Variants in STAT6 observed in about 807,000 individuals in gnomAD.
The protein encoded by STAT6 is signal transducer and activator of transcription 6.
Under a neutral mutation model 106.3 loss-of-function variants are expected in STAT6, and 45 were observed. The observed-to-expected ratio is 0.42, with a 90% CI of 0.33 to 0.54. The LOEUF is 0.54. Among genes scored for constraint, STAT6 ranks in the 20% least tolerant of loss-of-function variants. STAT6 has a pLI of 0.06. For synonymous variants in STAT6, 413 were observed against 413.6 expected (o/e 1.00, Z 0.02); for missense variants, 797 against 1,062.2 (o/e 0.75, Z 3.47).
At chr12:57,105,417 T>C in intron 8 of STAT6, 51 bp downstream of exon 8, 1 of 1,609,412 alleles carries the variant, frequency 6.2e-7, no homozygotes. Context: ...AGCCCCCTTC[T>C]TTTCTTCCCG....
chr12:57,104,680 C>T (rs747302076), intron 10 of STAT6, 46 bp downstream of exon 10: 1 of 1,613,812 alleles, frequency 6.2e-7, no homozygotes, highest in South Asian at 1.1e-5. Flanking sequence ...GAGAGTCCCA[C>T]AGTCTCCTAG....
At position 57,099,371 on chromosome 12, in the gene STAT6, C is replaced by T. The variant is rs1267549866; in HGVS notation, c.1814G>A (p.Arg605Gln). Residue 605 changes from arginine (R) to glutamine (Q), a missense_variant, in exon 16 of 22, where the codon CGA becomes CAA. Coordinates refer to ENST00000300134, the MANE Select transcript of STAT6 (RefSeq NM_003153.5). This position sits in a 1 kb window ranked among gnomAD's most constrained non-coding sequence, Gnocchi z 4.7. ...KDLSIRSLGD[R>Q]IRDLAQLKNL... ...TTTGAGCTGAGCAAGATCCCGGATT[C>T]GGTCCCCCAGTGAGCGAATGGACAG... 6.2e-7 allele frequency: 1 copy of T among 1,614,148 alleles called. No individual in the cohort carries two copies. The highest frequency in any genetic ancestry group is 1.7e-5 in the Admixed American group (1 of 60,018).
At chr12:57,100,237 C>G (rs2136572225) in intron 13 of STAT6, 147 bp from the exon 14 acceptor site, 1 of 683,988 alleles carries the variant, frequency 1.5e-6, no homozygotes, top group Admixed American at 2.3e-5. Context: ...TGACAACGAC[C>G]AATCCTAATG....
In STAT6 at chr12:57,108,319, C is replaced by T. The variant is rs373529724; in HGVS notation, c.-21-20G>A. On this transcript the variant is annotated intron_variant, in intron 1 of 21. Coordinates refer to ENST00000300134, the MANE Select transcript of STAT6 (RefSeq NM_003153.5). The stretch of plus-strand genomic sequence containing the variant: ...GGTTGCCTGGAGGAGAAAAATAAGG[C>T]CACTCTGAGGGGTGCCCAAGAAACT... 2.2e-6 allele frequency: 3 copies of T among 1,340,276 alleles called. No homozygotes were observed. The allele number at this position is 1,340,276 out of a possible 1,614,324, so 83.0% of individuals were successfully genotyped here. A position where few individuals can be genotyped will look rare whatever the true frequency, so the allele number is the denominator to read the frequency against.
Position 57,106,812 on chromosome 12 carries a change from G to A in STAT6, c.359C>T (p.Pro120Leu). The A allele has an allele frequency of 6.2e-7, 1 of 1,614,018 alleles. No individual in the cohort carries two copies. Among genetic ancestry groups the A allele is most frequent in the South Asian group, 1.1e-5 (1 of 91,082 alleles). Residue 120 changes from proline to leucine, a missense_variant, in exon 5 of 22, where the codon CCT (proline) becomes CTT (leucine). Physicochemically the swap from Pro to Leu is moderately conservative, Grantham distance 98. Around this residue, in one of 4 missense-constraint regions of STAT6, gnomAD observed 336 missense variants for 429.8 expected, o/e 0.78. Transcript: ENST00000300134. The part of the protein sequence containing the change: ...VMEQFRHLPM[P>L]FHWKQEELKF... ...GAGTTCTTCCTGCTTCCAGTGGAAA[G>A]GCATTGGCAAGTGGCGGAACTACAC...
intron 1 of STAT6, among the ~76,000 whole-genome samples, chr12:57,110,777 C>T (rs2034536081): frequency 6.6e-6 from 1 of 152,104 alleles, no homozygotes; most frequent in Non-Finnish European, 1.5e-5. Context: ...AACAAGGATC[C>T]ACTGCCCTCT....
intron 13 of STAT6, among the ~76,000 whole-genome samples, chr12:57,101,081 CT>C (rs2033898646): frequency 1.3e-5 from 2 of 150,078 alleles, no homozygotes; most frequent in Admixed American, 1.4e-4. Context: ...AATTCTTTTT[CT>C]TTCTTTCTTT....
chr12:57,099,530 A>G lies in STAT6; in HGVS notation c.1745-90T>C. The G allele has an allele frequency of 6.4e-7, 1 of 1,562,514 alleles. No individual in the cohort carries two copies. The highest frequency in any genetic ancestry group is 8.8e-7 in the Non-Finnish European group (1 of 1,142,628). On this transcript the variant is annotated intron_variant, in intron 15 of 21. Transcript: ENST00000300134. This position sits in a 1 kb window ranked among gnomAD's most constrained non-coding sequence, Gnocchi z 4.7. The stretch of plus-strand genomic sequence containing the variant: ...CCATAAGACCTGTTCTCACTCCACC[A>G]AGGCAAGGGAGAGAGGACCTAGGGT...
Position 57,105,551 on chromosome 12 carries a change from C to T in STAT6, c.729G>A (p.Gly243=). The change falls in exon 8 of 22, where the codon GGG becomes GGA. Residue 243 remains glycine (G), a synonymous_variant. Coordinates refer to ENST00000300134, the MANE Select transcript of STAT6 (RefSeq NM_003153.5). ...TGGGCTCAAGCTCCCCACCAGCCGC[C>T]CCTACCTCCTGCTGTAGCTGGGAAT... is the stretch of plus-strand genomic sequence containing the variant. ...DIYSQLQQEV[G]AAGGELEPKT... 1 of 1,614,070 alleles carries T rather than the reference C, an allele frequency of 6.2e-7. No homozygotes were observed. The highest frequency in any genetic ancestry group is 1.1e-5 in the South Asian group (1 of 91,070).
intron 17 of STAT6, 50 bp downstream of exon 17, chr12:57,098,965 G>A (rs1183034856): frequency 1.2e-6 from 2 of 1,613,388 alleles, no homozygotes; most frequent in Admixed American, 3.3e-5. Flanking sequence ...CCTTCCTGCA[G>A]ATAAGCACTA....
At chr12:57,109,696 G>A (rs1387770555) in intron 1 of STAT6, among the ~76,000 whole-genome samples, 1 of 152,146 alleles carries the variant, frequency 6.6e-6, no homozygotes, top group Admixed American at 6.5e-5. Context: ...GGGCTAGAAG[G>A]CAAAGATGAG....
Position 57,102,882 on chromosome 12 carries a change from G to A in STAT6, c.1252C>T (p.Gln418Ter). 1.9e-6 allele frequency: 3 copies of A among 1,609,476 alleles called. No homozygotes were observed. Among genetic ancestry groups the A allele is most frequent in the Non-Finnish European group, 2.5e-6 (3 of 1,178,020 alleles). The change falls in exon 12 of 22, where the codon CAA becomes TAA. Residue 418 changes from glutamine to a stop codon, truncating the protein, a stop_gained. Transcript: ENST00000300134. LOFTEE classifies it high-confidence loss of function. ...ATAGTGGCTTTGGCATTGTTGTCTT[G>A]GTTGCCATGGACGATGACCACCAGG... ...LPLVVIVHGN[Q>*]DNNAKATILW...
rs1270006303 is a variant in STAT6, at chr12:57,106,356, G to A, written c.532-17C>T. ...GGCCAGGGCCTATGGGCAGAGAGGG[G>A]CCTGAGCCAGGGCCTCACGCTGCCT... On this transcript the variant is annotated splice_polypyrimidine_tract_variant and intron_variant, in intron 6 of 21. Coordinates refer to ENST00000300134, the MANE Select transcript of STAT6 (RefSeq NM_003153.5). 6.2e-7 allele frequency: 1 copy of A among 1,614,084 alleles called. No individual in the cohort carries two copies.
intron 7 of STAT6, 34 bp from the exon 8 acceptor site, chr12:57,105,633 T>C: frequency 6.2e-7 from 1 of 1,607,774 alleles, no homozygotes; most frequent in East Asian, 2.2e-5. Flanking sequence ...GGGCACAGGA[T>C]TAAGGCTGCT....
Position 57,105,547 on chromosome 12 carries a change from C to T in STAT6, c.733G>A (p.Ala245Thr). ...GTCTTGGGCTCAAGCTCCCCACCAG[C>T]CGCCCCTACCTCCTGCTGTAGCTGG... The part of the protein sequence containing the change: ...YSQLQQEVGA[A>T]GGELEPKTRA... The change falls in exon 8 of 22, where the codon GCT (alanine) becomes ACT (threonine). Residue 245 changes from alanine (A) to threonine (T), a missense_variant. Physicochemically the swap from Ala to Thr is moderately conservative, Grantham distance 58 (BLOSUM62 0). Coordinates refer to ENST00000300134, the MANE Select transcript of STAT6 (RefSeq NM_003153.5). The T allele has an allele frequency of 6.2e-7, 1 of 1,614,040 alleles. No homozygotes were observed. The highest frequency in any genetic ancestry group is 8.5e-7 in the Non-Finnish European group (1 of 1,179,944).
chr12:57,105,646 C>T (rs1220184862), intron 7 of STAT6, 47 bp from the exon 8 acceptor site: 5 of 1,597,162 alleles, frequency 3.1e-6, no homozygotes, highest in African/African-American at 2.7e-5. Context: ...AGGCTGCTTG[C>T]TCCGGCCCAG....
Position 57,096,691 on chromosome 12 carries a change from C to T in STAT6, c.2425G>A (p.Gly809Arg), listed in dbSNP as rs1347830320. The T allele has an allele frequency of 1.9e-6, 3 of 1,609,040 alleles. No homozygotes were observed. The highest frequency in any genetic ancestry group is 1.1e-5 in the South Asian group (1 of 90,762). The change falls in exon 22 of 22, where the codon GGG (glycine) becomes AGG (arginine). Residue 809 changes from glycine to arginine, a missense_variant. Coordinates refer to ENST00000300134, the MANE Select transcript of STAT6 (RefSeq NM_003153.5). ...GACCCTCCCCCCGACTCCCCTTGCC[C>T]CTCCAGGAGAAGCTTAGTGAGGTCC... ...EQDLTKLLLE[G>R]QGESGGGSLG...
rs772207294 is a variant in STAT6, at chr12:57,105,354, G to A, written c.813-15C>T. On this transcript the variant is annotated splice_polypyrimidine_tract_variant and intron_variant, in intron 8 of 21. Transcript: ENST00000300134. ...CCAGGAAGCAACTGGGAGTGAGGAGGACACAAGGGGAGTTGGGGGCTAGGT... is the reference window on the plus strand; with the variant it reads ...CCAGGAAGCAACTGGGAGTGAGGAGAACACAAGGGGAGTTGGGGGCTAGGT... 2 of 1,612,690 alleles carry A rather than the reference G, an allele frequency of 1.2e-6. No individual in the cohort carries two copies. The highest frequency in any genetic ancestry group is 1.3e-5 in the African/African-American group (1 of 74,902).
intron 19 of STAT6, among the ~76,000 whole-genome samples, chr12:57,097,990 C>T (rs865936263): frequency 3.9e-5 from 6 of 152,058 alleles, no homozygotes; most frequent in Admixed American, 6.6e-5. Flanking sequence ...TCATGCTGCT[C>T]GGGTTTAAAG....
Sources: gnomAD v4.1 joint callset for allele counts (sites outside exome capture counted in the v4.1 genomes callset) on GRCh38, gnomAD v4.1.1 for gene constraint, gnomAD v4.1.1 regional missense constraint, Gnocchi (gnomAD v3.1) non-coding constraint, MANE v1.5 for transcripts, NCBI Gene and HGNC (gene_info 2026-07-23, HGNC 2026-07-21) for gene names.